The following CEMIP2 variants were observed in gnomAD, a reference collection of about 807,000 sequenced individuals.
CEMIP2 encodes cell migration inducing hyaluronidase 2.
A neutral mutation model predicts 146.9 loss-of-function variants in CEMIP2; 79 were observed. That is an observed-to-expected ratio of 0.54 (90% CI 0.45 to 0.65). The LOEUF (loss-of-function observed/expected upper bound fraction) is 0.65. Ranked by LOEUF, CEMIP2 falls within the 30% of genes least tolerant of loss-of-function variation. The pLI is 0.00. For synonymous variants in CEMIP2, 601 were observed against 606.3 expected, an observed-to-expected ratio of 0.99 and a Z score of 0.13; for missense variants, 1,596 against 1,696.2, an observed-to-expected ratio of 0.94 and a Z score of 1.04.
intron 10 of CEMIP2, among the ~76,000 whole-genome samples, chr9:71,728,566 C>T (rs1256066977): frequency 6.6e-6 from 1 of 151,322 alleles, no homozygotes; most frequent in Non-Finnish European, 1.5e-5. Context: ...CAAATTTCTC[C>T]AAACTTATCC....
rs577444239 is a variant in CEMIP2, at chr9:71,689,528, G to A, written c.3851+564C>T. ...AATCAGACTAGTGCTCTGTAAGAGC[G>A]ATTGCACACTCAGCCACTTCAAAAA... On this transcript the variant is annotated intron_variant, in intron 22 of 23. Coordinates refer to ENST00000377044, the MANE Select transcript of CEMIP2 (RefSeq NM_013390.3). Among the ~76,000 whole-genome samples, 33 of 152,296 alleles carry A rather than the reference G, an allele frequency of 2.2e-4. No individual in the cohort carries two copies. In the East Asian group the frequency reaches 5.4e-3, roughly 25 times the overall value.
intron 2 of CEMIP2, 136 bp from the exon 3 acceptor site, chr9:71,746,477 A>C (rs1824092602): frequency 1.0e-6 from 1 of 989,702 alleles, no homozygotes; most frequent in Non-Finnish European, 1.5e-6. Flanking sequence ...TTAGAATGGA[A>C]ATCCCACGCC....
At chr9:71,705,176 C>T (rs1308408847) in intron 17 of CEMIP2, among the ~76,000 whole-genome samples, 1 of 152,214 alleles carries the variant, frequency 6.6e-6, no homozygotes, top group East Asian at 1.9e-4. Context: ...ATATCCTCTA[C>T]TCAAATCTAA....
In CEMIP2 at chr9:71,746,182, G is replaced by A. The variant is rs776523546; in HGVS notation, c.472+19C>T. 6.2e-7 allele frequency: 1 copy of A among 1,611,074 alleles called. No homozygotes were observed. The highest frequency in any genetic ancestry group is 1.1e-5 in the South Asian group (1 of 90,712). On this transcript the variant is annotated intron_variant, in intron 3 of 23. Coordinates refer to ENST00000377044, the MANE Select transcript of CEMIP2 (RefSeq NM_013390.3). Reference sequence around the variant, plus strand: ...AAAGAGCAACCTTGCAGTTCCCATAGGCAGGAACCATTACCTACCTCCATC... The same window carrying A: ...AAAGAGCAACCTTGCAGTTCCCATAAGCAGGAACCATTACCTACCTCCATC...
At position 71,750,175 on chromosome 9, in the gene CEMIP2, G is replaced by C. The variant is rs377684830; in HGVS notation, c.199C>G (p.Gln67Glu). The change falls in exon 2 of 24, where the codon CAG (glutamine) becomes GAG (glutamate). Residue 67 changes from glutamine (Q) to glutamate (E), a missense_variant. By Grantham distance (29) the Gln-to-Glu change is conservative (BLOSUM62 2). Transcript: ENST00000377044. Reference sequence around the variant, plus strand: ...TTTTGACTTTCTCTCTGGGCTTGCTGTTCTTCAGGTGAGAATGCGAAGGTT... The same window carrying C: ...TTTTGACTTTCTCTCTGGGCTTGCTCTTCTTCAGGTGAGAATGCGAAGGTT... Reference protein sequence around the residue: ...RATFAFSPEEQQAQRESQKQK... With the variant: ...RATFAFSPEEEQAQRESQKQK... The C allele has an allele frequency of 1.1e-5, 17 of 1,614,148 alleles. No homozygotes were observed. The African/African-American group carries it at 1.6e-4, about 15-fold the overall frequency.
chr9:71,728,998 T>C (rs915516351), intron 10 of CEMIP2, among the ~76,000 whole-genome samples: 3 of 151,770 alleles, frequency 2.0e-5, no homozygotes, highest in African/African-American at 4.8e-5. Flanking sequence ...GCCTGGCTTT[T>C]TTTTTGGAGG....
intron 1 of CEMIP2, among the ~76,000 whole-genome samples, chr9:71,768,055 G>A (rs1352592324): frequency 6.6e-6 from 1 of 152,218 alleles, no homozygotes; most frequent in Non-Finnish European, 1.5e-5. Flanking sequence ...GTAATGAAAA[G>A]AGAGAGTGGA....
chr9:71,702,458 T>TTA (rs1264581549), intron 18 of CEMIP2, among the ~76,000 whole-genome samples: 1 of 151,822 alleles, frequency 6.6e-6, no homozygotes, highest in Admixed American at 6.6e-5. Flanking sequence ...GTTAAAAAAA[T>TTA]TATGGCACAT....
chr9:71,689,198 A>T lies in CEMIP2; in HGVS notation c.3851+894T>A, dbSNP rs181558439. On this transcript the variant is annotated intron_variant, in intron 22 of 23. Transcript: ENST00000377044. ...GTCTTAAGCCAGAAGACAGAACGACATATATACATTTAATGTTACATCCAA... is the reference window on the plus strand; with the variant it reads ...GTCTTAAGCCAGAAGACAGAACGACTTATATACATTTAATGTTACATCCAA... Among the ~76,000 whole-genome samples, 351 of 152,332 alleles carry T rather than the reference A, an allele frequency of 2.3e-3. 2 individuals are homozygous for T. The highest frequency in any genetic ancestry group is 7.8e-3 in the African/African-American group (324 of 41,576).
chr9:71,756,756 A>G (rs1479661140), intron 1 of CEMIP2, among the ~76,000 whole-genome samples: 1 of 152,222 alleles, frequency 6.6e-6, no homozygotes, highest in African/African-American at 2.4e-5. Flanking sequence ...AAAAGGTATT[A>G]TTAACAACTG....
chr9:71,766,149 A>C (rs1439871548), intron 1 of CEMIP2, among the ~76,000 whole-genome samples: 1 of 149,994 alleles, frequency 6.7e-6, no homozygotes, highest in Non-Finnish European at 1.5e-5. Flanking sequence ...GCTCACTGCA[A>C]CCTCCACCTC....
intron 23 of CEMIP2, 35 bp from the exon 24 acceptor site, chr9:71,685,428 A>AG: frequency 6.9e-7 from 1 of 1,447,934 alleles, no homozygotes; most frequent in East Asian, 2.6e-5. Context: ...AAGAAAAAAA[A>AG]TCAATTTTTA....
intron 1 of CEMIP2, among the ~76,000 whole-genome samples, chr9:71,759,740 A>G (rs928908085): frequency 1.3e-4 from 19 of 147,056 alleles, no homozygotes; most frequent in African/African-American, 4.5e-4. Context: ...GGATGTGGTT[A>G]GATTTTTGGT....
intron 22 of CEMIP2, 37 bp downstream of exon 22, chr9:71,690,054 AG>A: frequency 6.2e-7 from 1 of 1,605,968 alleles, no homozygotes; most frequent in Non-Finnish European, 8.5e-7. Context: ...CACATCTTTA[AG>A]GTGGCTTTTC....
chr9:71,769,313 C>A (rs545132867), upstream of CEMIP2, among the ~76,000 whole-genome samples: 2 of 152,338 alleles, frequency 1.3e-5, no homozygotes, highest in Non-Finnish European at 2.9e-5. Context: ...AGCCCCATCA[C>A]CCGTAAAGAG....
rs769508301 is a variant in CEMIP2 at position 71,685,106 on chromosome 9, C to T, written c.*91G>A. The T allele has an allele frequency of 2.4e-4, 305 of 1,271,808 alleles. No individual in the cohort carries two copies. Among genetic ancestry groups the T allele is most frequent in the Non-Finnish European group, 3.1e-4 (291 of 941,906 alleles). 78.8% of individuals were successfully genotyped at this position (1,271,808 alleles called of 1,614,324 possible). The stretch of plus-strand genomic sequence containing the variant: ...TCTGTATCAAACTGGAAAATGGTTC[C>T]GTTGGGTTAACAGTGTCATTTTAAA... On this transcript the variant is annotated 3_prime_UTR_variant, in exon 24 of 24. Transcript: ENST00000377044.
intron 1 of CEMIP2, among the ~76,000 whole-genome samples, chr9:71,756,215 G>GATAGATAGACAGA (rs1824439249): frequency 1.9e-5 from 2 of 105,168 alleles, no homozygotes; most frequent in Non-Finnish European, 2.2e-5. Context: ...AGATAGATAG[G>GATAGATAGACAGA]CTATATATAT....
intron 14 of CEMIP2, among the ~76,000 whole-genome samples, chr9:71,715,446 T>A (rs990048603): frequency 1.3e-5 from 2 of 151,302 alleles, no homozygotes; most frequent in East Asian, 3.9e-4. Flanking sequence ...GGTCTTGCTA[T>A]GTGGCCCATG....
chr9:71,755,222 T>C lies in CEMIP2; in HGVS notation c.-12-4837A>G, dbSNP rs552444937. Among the ~76,000 whole-genome samples, 6 of 144,610 alleles carry C rather than the reference T, an allele frequency of 4.1e-5. No individual in the cohort carries two copies. The South Asian group carries it at 8.7e-4, about 21-fold the overall frequency. 94.9% of individuals were successfully genotyped at this position (144,610 alleles called of 152,430 possible). A position where few individuals can be genotyped will look rare whatever the true frequency, so the allele number is the denominator to read the frequency against. Reference sequence around the variant, plus strand: ...TTTTTTTTACCTATAAAAAGAGGCATGATTTTGGCCAAGCAAGGTGGCTCA... The same window carrying C: ...TTTTTTTTACCTATAAAAAGAGGCACGATTTTGGCCAAGCAAGGTGGCTCA... On this transcript the variant is annotated intron_variant, in intron 1 of 23. Coordinates refer to ENST00000377044, the MANE Select transcript of CEMIP2 (RefSeq NM_013390.3).
Sources: allele counts gnomAD v4.1 joint callset (sites outside exome capture counted in the v4.1 genomes callset), GRCh38; gene constraint gnomAD v4.1.1; transcripts MANE v1.5; gene names NCBI Gene and HGNC (gene_info 2026-07-23, HGNC 2026-07-21).